The following MAST2 variants were observed in gnomAD, a reference collection of about 807,000 sequenced individuals.
MAST2 encodes microtubule associated serine/threonine kinase 2, also known as microtubule-associated serine/threonine-protein kinase 2.
MAST2 carries 70 observed loss-of-function variants against 147.4 expected under a neutral mutation model. The ratio of observed to expected loss-of-function variants is 0.47; its 90% confidence interval spans 0.39 to 0.58. MAST2 has a LOEUF of 0.58. Ranked by LOEUF, MAST2 falls within the 20% of genes least tolerant of loss-of-function variation. The probability of loss-of-function intolerance (pLI) is 0.00; values close to 1 mark genes in which losing one functional copy is unlikely to be tolerated. For missense variants in MAST2, 2,080 were observed against 2,302.3 expected (o/e 0.90, Z 1.98); for synonymous variants, 869 against 896.8 (o/e 0.97, Z 0.55).
intron 4 of MAST2, among the ~76,000 whole-genome samples, chr1:45,899,307 CTT>C (rs770069959): frequency 2.8e-5 from 3 of 108,022 alleles, no homozygotes; most frequent in Admixed American, 1.1e-4. Flanking sequence ...CCTTTCTTTT[CTT>C]TTTTTTTTTT....
intron 4 of MAST2, among the ~76,000 whole-genome samples, chr1:45,906,898 C>A (rs568564814): frequency 6.7e-6 from 1 of 149,786 alleles, no homozygotes; most frequent in African/African-American, 2.5e-5. Flanking sequence ...CTATCTTTTA[C>A]ATGTATTTTT....
intron 4 of MAST2, among the ~76,000 whole-genome samples, chr1:45,891,203 T>G (rs1647713668): frequency 6.6e-6 from 1 of 152,168 alleles, no homozygotes. Flanking sequence ...ACAAACATTA[T>G]TTTGTGCACT....
chr1:45,965,059 T>A (rs1660976260), intron 5 of MAST2, among the ~76,000 whole-genome samples: 1 of 152,216 alleles, frequency 6.6e-6, no homozygotes, highest in South Asian at 2.1e-4. Flanking sequence ...TGAGTTCTAG[T>A]TTGATTGCAC....
intron 5 of MAST2, among the ~76,000 whole-genome samples, chr1:45,962,584 T>A (rs1410234730): frequency 5.3e-5 from 8 of 152,374 alleles, no homozygotes; most frequent in African/African-American, 1.7e-4. Context: ...GAGAAGTGTC[T>A]GTTCATATCC....
intron 3 of MAST2, chr1:45,847,366 G>A (rs533532610): frequency 1.6e-5 from 8 of 503,540 alleles, no homozygotes; most frequent in South Asian, 1.3e-4. Flanking sequence ...TTTAATTTAA[G>A]TACCTTTCAG....
chr1:45,813,203 A>G (rs1008636212), intron 1 of MAST2, among the ~76,000 whole-genome samples: 1 of 152,238 alleles, frequency 6.6e-6, no homozygotes, highest in African/African-American at 2.4e-5. Context: ...AAAAATATCT[A>G]TACATGTTCA....
chr1:45,958,430 A>C (rs933391008), intron 4 of MAST2, among the ~76,000 whole-genome samples: 1 of 151,744 alleles, frequency 6.6e-6, no homozygotes, highest in Non-Finnish European at 1.5e-5. Context: ...CATATCATTC[A>C]GCTCTCTCAT....
chr1:46,032,958 C>G (rs1467270519), intron 26 of MAST2, among the ~76,000 whole-genome samples: 1 of 140,466 alleles, frequency 7.1e-6, no homozygotes, highest in Non-Finnish European at 1.5e-5. Flanking sequence ...TGGTGAAACC[C>G]TGCCTCTACT....
intron 3 of MAST2, among the ~76,000 whole-genome samples, chr1:45,854,734 G>A (rs1459058044): frequency 6.6e-6 from 1 of 151,988 alleles, no homozygotes; most frequent in African/African-American, 2.4e-5. Context: ...ACACCAAACA[G>A]CAGACAGAAG....
At chr1:45,912,698 A>C (rs1651865510) in intron 4 of MAST2, among the ~76,000 whole-genome samples, 1 of 152,198 alleles carries the variant, frequency 6.6e-6, no homozygotes, top group African/African-American at 2.4e-5. Flanking sequence ...TGGCTCTCTT[A>C]GCTGCCAGGG....
intron 5 of MAST2, among the ~76,000 whole-genome samples, chr1:45,985,558 T>C (rs1412674142): frequency 6.6e-6 from 1 of 152,232 alleles, no homozygotes; most frequent in Non-Finnish European, 1.5e-5. Context: ...TTGTAGAATT[T>C]TATCTAAATG....
Position 46,025,722 on chromosome 1 carries a change from T to C in MAST2, c.1826T>C (p.Val609Ala). The C allele has an allele frequency of 3.1e-6, 5 of 1,614,214 alleles. No individual in the cohort carries two copies. The highest frequency in any genetic ancestry group is 4.2e-6 in the Non-Finnish European group (5 of 1,180,030). ...CTGAAGAATATTGGGGCCCTGCCTG[T>C]GGACATGGTGCGTCTATACTTTGCG... Reference protein sequence around the residue: ...TLLKNIGALPVDMVRLYFAET... With the variant: ...TLLKNIGALPADMVRLYFAET... Residue 609 changes from valine to alanine, a missense_variant, in exon 16 of 29, where the codon GTG becomes GCG. Transcript: ENST00000361297.
In MAST2 at chr1:45,939,989, T is replaced by TTTTTGTTTTTTTTGTTTTTTTTG. The variant is rs1553239189; in HGVS notation, c.501-19393_501-19392insGTTTTTTTTGTTTTTTTTGTTTT. ...TCTCTATTTATTTAGGGTTTTTTTT[T>TTTTTGTTTTTTTTGTTTTTTTTG]TTTTTTTTTTTTGAGATGGAGTTTC... On this transcript the variant is annotated intron_variant, in intron 4 of 28. Transcript: ENST00000361297. Among the ~76,000 whole-genome samples, 185 of 128,914 alleles carry TTTTTGTTTTTTTTGTTTTTTTTG rather than the reference T, an allele frequency of 1.4e-3. 3 individuals carry two copies. In the East Asian group the frequency reaches 0.017, roughly 12 times the overall value. The allele number at this position is 128,914 out of a possible 152,430, so 84.6% of individuals were successfully genotyped here. A position where few individuals can be genotyped will look rare whatever the true frequency, so the allele number is the denominator to read the frequency against.
At chr1:45,926,898 C>T (rs1218611381) in intron 4 of MAST2, among the ~76,000 whole-genome samples, 8 of 152,170 alleles carry the variant, frequency 5.3e-5, no homozygotes, top group Admixed American at 2.0e-4. Flanking sequence ...TGGCTAGATG[C>T]CAAATGGTTG....
chr1:45,963,148 G>T (rs1231216733), intron 5 of MAST2, among the ~76,000 whole-genome samples: 1 of 152,214 alleles, frequency 6.6e-6, no homozygotes, highest in Non-Finnish European at 1.5e-5. Flanking sequence ...CCAGTACCAT[G>T]CTGTTTTGGT....
chr1:45,999,778 C>T (rs1645198611), intron 6 of MAST2, among the ~76,000 whole-genome samples: 1 of 152,242 alleles, frequency 6.6e-6, no homozygotes, highest in African/African-American at 2.4e-5. Context: ...TTGTCTTTCT[C>T]CATCAAATCA....
chr1:45,804,094 G>T, intron 1 of MAST2, 22 bp downstream of exon 1: 1 of 1,268,290 alleles, frequency 7.9e-7, no homozygotes, highest in Non-Finnish European at 1.0e-6. Flanking sequence ...TGGGATCCGG[G>T]AGGGTGAACC....
intron 4 of MAST2, among the ~76,000 whole-genome samples, chr1:45,890,552 G>A (rs1282494881): frequency 1.3e-5 from 2 of 151,838 alleles, no homozygotes; most frequent in East Asian, 3.9e-4. Context: ...TCATTTTCAA[G>A]CCCAACAGTC....
rs1644888723 is a variant in MAST2, at chr1:45,829,499, A to C, written c.386A>C (p.Gln129Pro). Residue 129 changes from glutamine to proline, a missense_variant, in exon 3 of 29, where the codon CAG becomes CCG. Transcript: ENST00000361297. ...VHSSVGQVTWQSSGEASNLVR... is the reference protein window; with the variant it reads ...VHSSVGQVTWPSSGEASNLVR... ...AGCAGTGTGGGACAGGTGACTTGGC[A>C]GTCGTCAGGAGAAGCATCAAACCTG... The C allele has an allele frequency of 1.2e-6, 2 of 1,614,222 alleles. No homozygotes were observed. The highest frequency in any genetic ancestry group is 1.7e-6 in the Non-Finnish European group (2 of 1,180,030).
Sources: gnomAD v4.1 joint callset for allele counts (sites outside exome capture counted in the v4.1 genomes callset) on GRCh38, gnomAD v4.1.1 for gene constraint, MANE v1.5 for transcripts, NCBI Gene and HGNC (gene_info 2026-07-23, HGNC 2026-07-21) for gene names.